Variants in GRID1 observed in about 807,000 individuals in gnomAD.
GRID1 encodes glutamate receptor ionotropic, delta-1.
A neutral mutation model predicts 98.0 loss-of-function variants in GRID1; 28 were observed. The observed-to-expected ratio is 0.29, with a 90% CI of 0.21 to 0.39. The LOEUF is 0.39. Ranked by LOEUF, GRID1 falls within the 10% of genes least tolerant of loss-of-function variation. The pLI is 1.00. For missense variants in GRID1, 1,111 were observed against 1,340.5 expected (o/e 0.83, Z 2.67); for synonymous variants, 553 against 538.5 (o/e 1.03, Z -0.37).
At chr10:85,615,474 T>C (rs1464232298) in intron 14 of GRID1, among the ~76,000 whole-genome samples, 2 of 152,362 alleles carry the variant, frequency 1.3e-5, no homozygotes, top group Non-Finnish European at 2.9e-5. Context: ...AATGTGTGAA[T>C]GTACTAATGA....
chr10:85,719,833 A>T (rs188155633), intron 12 of GRID1, among the ~76,000 whole-genome samples: 1 of 152,244 alleles, frequency 6.6e-6, no homozygotes, highest in Non-Finnish European at 1.5e-5. Flanking sequence ...AAATGTAAAA[A>T]TATAAAAATG....
rs1847993855 is a variant in GRID1, at chr10:86,323,090, CTA to C, written c.235+40849_235+40850del. On this transcript the variant is annotated intron_variant, in intron 2 of 15. Coordinates refer to ENST00000327946, the MANE Select transcript of GRID1 (RefSeq NM_017551.3). ...CCAACCTGGGTTACAGAGCAAGACT[CTA>C]TATGAAAAAGAAAACATAAAAATCA... Among the ~76,000 whole-genome samples, 6 of 152,206 alleles carry C rather than the reference CTA, an allele frequency of 3.9e-5. No individual in the cohort carries two copies. The South Asian group carries it at 1.2e-3, about 32-fold the overall frequency.
intron 13 of GRID1, among the ~76,000 whole-genome samples, chr10:85,633,019 TC>T (rs1446655206): frequency 6.6e-6 from 1 of 152,222 alleles, no homozygotes; most frequent in Non-Finnish European, 1.5e-5. Context: ...GATAATGGCT[TC>T]CAGCTTCCTC....
chr10:86,022,675 T>C (rs1300989089), intron 4 of GRID1, among the ~76,000 whole-genome samples: 3 of 152,168 alleles, frequency 2.0e-5, no homozygotes, highest in Non-Finnish European at 4.4e-5. Context: ...CCAAGCACTT[T>C]GGGAGGCCGA....
At chr10:86,297,131 A>G (rs1294573033) in intron 2 of GRID1, among the ~76,000 whole-genome samples, 1 of 152,222 alleles carries the variant, frequency 6.6e-6, no homozygotes, top group Non-Finnish European at 1.5e-5. Flanking sequence ...GGATTTCTCC[A>G]AGGAATTATA....
At chr10:85,683,519 G>C (rs766295419) in intron 12 of GRID1, among the ~76,000 whole-genome samples, 1 of 152,184 alleles carries the variant, frequency 6.6e-6, no homozygotes, top group Non-Finnish European at 1.5e-5. Flanking sequence ...ACATACAAAG[G>C]TCATGAAGTC....
At chr10:85,978,087 T>C (rs1842496916) in intron 4 of GRID1, among the ~76,000 whole-genome samples, 1 of 152,206 alleles carries the variant, frequency 6.6e-6, no homozygotes, top group Admixed American at 6.5e-5. Flanking sequence ...GTTATCCTTA[T>C]AGTTCTTGCT....
chr10:85,843,138 CAA>C (rs1299624827), intron 8 of GRID1, among the ~76,000 whole-genome samples: 10 of 151,766 alleles, frequency 6.6e-5, no homozygotes, highest in Non-Finnish European at 5.9e-5. Context: ...TAGACCCACA[CAA>C]ATATGCCAAA....
intron 8 of GRID1, among the ~76,000 whole-genome samples, chr10:85,779,373 A>C (rs925789148): frequency 6.6e-6 from 1 of 152,128 alleles, no homozygotes; most frequent in Admixed American, 6.5e-5. Flanking sequence ...GAGTCTTCTC[A>C]GTTCTCCTGC....
At chr10:86,123,900 C>T (rs559147569) in intron 4 of GRID1, among the ~76,000 whole-genome samples, 1 of 152,322 alleles carries the variant, frequency 6.6e-6, no homozygotes, top group East Asian at 1.9e-4. Flanking sequence ...CTCTGTGAGG[C>T]ACAAAGCAGG....
chr10:85,954,846 C>T (rs1054451732), intron 4 of GRID1, among the ~76,000 whole-genome samples: 14 of 152,216 alleles, frequency 9.2e-5, no homozygotes, highest in Admixed American at 3.3e-4. Context: ...TTAATCCCTC[C>T]GAGCCATAGT....
intron 4 of GRID1, among the ~76,000 whole-genome samples, chr10:86,052,266 T>A (rs1843512551): frequency 6.6e-6 from 1 of 152,190 alleles, no homozygotes; most frequent in African/African-American, 2.4e-5. Context: ...ATAATTATTT[T>A]AAAAATCTAG....
intron 8 of GRID1, among the ~76,000 whole-genome samples, chr10:85,797,874 C>A (rs946328911): frequency 6.6e-6 from 1 of 152,174 alleles, no homozygotes; most frequent in Non-Finnish European, 1.5e-5. Flanking sequence ...ATTATAGCCT[C>A]CAGCTTCATC....
chr10:85,691,824 C>T (rs1277642455), intron 12 of GRID1, among the ~76,000 whole-genome samples: 1 of 152,200 alleles, frequency 6.6e-6, no homozygotes, highest in Non-Finnish European at 1.5e-5. Context: ...AAGACACTTG[C>T]CCTGGGCTTG....
intron 2 of GRID1, among the ~76,000 whole-genome samples, chr10:86,357,406 A>G (rs566716883): frequency 2.7e-4 from 41 of 152,360 alleles, no homozygotes; most frequent in African/African-American, 9.9e-4. Context: ...CACGCCTGGC[A>G]TAAGGTATCC....
chr10:86,040,675 A>G (rs1843333420), intron 4 of GRID1, among the ~76,000 whole-genome samples: 1 of 152,186 alleles, frequency 6.6e-6, no homozygotes, highest in South Asian at 2.1e-4. Context: ...CTTCTGATCC[A>G]TTGCAAAGTA....
At chr10:86,342,719 G>T (rs916789220) in intron 2 of GRID1, among the ~76,000 whole-genome samples, 1 of 152,220 alleles carries the variant, frequency 6.6e-6, no homozygotes, top group Non-Finnish European at 1.5e-5. Context: ...GAGTCGGGTA[G>T]CGAGCTACCC....
At chr10:85,789,393 G>T (rs1330284704) in intron 8 of GRID1, among the ~76,000 whole-genome samples, 1 of 152,072 alleles carries the variant, frequency 6.6e-6, no homozygotes, top group Non-Finnish European at 1.5e-5. Flanking sequence ...ACTCCAGACT[G>T]GGCAGCACTA....
chr10:85,865,942 T>TATATATATATAC lies in GRID1; in HGVS notation c.951+3067_951+3068insGTATATATATAT, dbSNP rs1199144734. Among the ~76,000 whole-genome samples, 434 of 94,844 alleles carry TATATATATATAC rather than the reference T, an allele frequency of 4.6e-3. 7 individuals are homozygous for TATATATATATAC. The highest frequency in any genetic ancestry group is 0.012 in the East Asian group (37 of 3,052). 62.2% of individuals were successfully genotyped at this position (94,844 alleles called of 152,430 possible). On this transcript the variant is annotated intron_variant, in intron 6 of 15. Coordinates refer to ENST00000327946, the MANE Select transcript of GRID1 (RefSeq NM_017551.3). ...ATATATATATATATATATATATATA[T>TATATATATATAC]ACACATATATATGGAGAGAGAGAGA...
Sources: gnomAD v4.1 joint callset for allele counts (sites outside exome capture counted in the v4.1 genomes callset) on GRCh38, gnomAD v4.1.1 for gene constraint, MANE v1.5 for transcripts, NCBI Gene and HGNC (gene_info 2026-07-23, HGNC 2026-07-21) for gene names.